C1GALT1: variants seen among roughly 807,000 people sequenced by gnomAD.
The protein encoded by C1GALT1 is core 1 synthase, glycoprotein-N-acetylgalactosamine 3-beta-galactosyltransferase 1, also known as glycoprotein-N-acetylgalactosamine 3-beta-galactosyltransferase 1.
In C1GALT1, 11 loss-of-function variants were observed where a neutral mutation model predicts 31.0. That is an observed-to-expected ratio of 0.36 (90% CI 0.22 to 0.59). The LOEUF (loss-of-function observed/expected upper bound fraction) is 0.59. Among genes scored for constraint, C1GALT1 ranks in the 20% least tolerant of loss-of-function variants. C1GALT1 has a pLI of 0.79. For missense variants in C1GALT1, 424 were observed against 425.2 expected, an observed-to-expected ratio of 1.00 and a Z score of 0.03; for synonymous variants, 175 against 143.6, an observed-to-expected ratio of 1.22 and a Z score of -1.56.
At chr7:7,189,142 A>G (rs1780947126) in intron 1 of C1GALT1, among the ~76,000 whole-genome samples, 1 of 152,136 alleles carries the variant, frequency 6.6e-6, no homozygotes, top group Admixed American at 6.5e-5. Flanking sequence ...CATGTAGATC[A>G]TTGTTTTTAA....
chr7:7,243,660 GTATACT>G lies in C1GALT1; in HGVS notation c.1026_1031del (p.Ile343_Leu344del). The G allele has an allele frequency of 1.2e-6, 2 of 1,608,124 alleles. No individual in the cohort carries two copies. The highest frequency in any genetic ancestry group is 1.7e-6 in the Non-Finnish European group (2 of 1,178,308). On this transcript the variant is annotated inframe_deletion, in exon 4 of 4. Transcript: ENST00000436587. ...AGATATCAACCTACCTTACCTGAAC[GTATACT>G]AAAGGAAATTAGTCAAGCAAACAAA...
intron 1 of C1GALT1, among the ~76,000 whole-genome samples, chr7:7,188,484 C>T (rs71533354): frequency 0.059 from 8,981 of 152,114 alleles, 326 homozygotes; most frequent in East Asian, 0.16. Context: ...TAATTTTTAT[C>T]ATATTATTTC....
chr7:7,161,362 A>G lies in C1GALT1; in HGVS notation c.-18+3936A>G, dbSNP rs1008529710. On this transcript the variant is annotated intron_variant, in intron 2 of 3. Coordinates refer to the C1GALT1 transcript ENST00000429911. Reference sequence around the variant, plus strand: ...AATTGCCCCTTGGATGAAAATCACTAACATTTTAGTATAAACATATTTACA... The same window carrying G: ...AATTGCCCCTTGGATGAAAATCACTGACATTTTAGTATAAACATATTTACA... Among the ~76,000 whole-genome samples the G allele has an allele frequency of 5.3e-5, 8 of 152,290 alleles. No homozygotes were observed. The East Asian group carries it at 1.5e-3, about 29-fold the overall frequency.
chr7:7,165,424 C>T (rs1780382828), intron 2 of C1GALT1, among the ~76,000 whole-genome samples: 1 of 151,840 alleles, frequency 6.6e-6, no homozygotes, highest in Non-Finnish European at 1.5e-5. Context: ...TTCAGTTACG[C>T]TAAGGGAATA....
chr7:7,234,769 G>A, intron 2 of C1GALT1: 1 of 394,668 alleles, frequency 2.5e-6, no homozygotes, highest in South Asian at 3.9e-5. Context: ...CATGATTTGG[G>A]GAAGGGCATA....
intron 2 of C1GALT1, among the ~76,000 whole-genome samples, chr7:7,170,260 A>G (rs1011961224): frequency 6.6e-6 from 1 of 151,904 alleles, no homozygotes; most frequent in Middle Eastern, 3.4e-3. Context: ...GATTCTCTCT[A>G]TTGTTTATTC....
intron 1 of C1GALT1, among the ~76,000 whole-genome samples, chr7:7,212,153 T>G (rs1782033667): frequency 2.6e-5 from 4 of 152,172 alleles, no homozygotes; most frequent in Admixed American, 2.6e-4. Context: ...GTTTCTATCC[T>G]CAAATACCTG....
intron 1 of C1GALT1, among the ~76,000 whole-genome samples, chr7:7,199,481 G>T (rs911109812): frequency 1.3e-5 from 2 of 152,224 alleles, no homozygotes; most frequent in Admixed American, 6.5e-5. Context: ...TTTGGAATAA[G>T]TGTGATGTGG....
chr7:7,163,220 C>T (rs191513197), intron 2 of C1GALT1, among the ~76,000 whole-genome samples: 1 of 152,186 alleles, frequency 6.6e-6, no homozygotes, highest in East Asian at 1.9e-4. Flanking sequence ...TAATGCCTAG[C>T]TTTTCTTCTA....
At chr7:7,166,962 A>G (rs1038916947) in intron 2 of C1GALT1, among the ~76,000 whole-genome samples, 2 of 152,200 alleles carry the variant, frequency 1.3e-5, no homozygotes, top group Non-Finnish European at 2.9e-5. Context: ...TACTTCAAAG[A>G]CCAAGATCTT....
chr7:7,170,410 T>C lies in C1GALT1; in HGVS notation c.-18+12984T>C, dbSNP rs555053957. On this transcript the variant is annotated intron_variant, in intron 2 of 3. Transcript: ENST00000429911. ...TTGTCTTTTTTAATGTAGGAATTTA[T>C]AGTTATAAGTTTGCCTCTGAGCACT... Among the ~76,000 whole-genome samples the C allele has an allele frequency of 2.6e-5, 4 of 152,342 alleles. No individual in the cohort carries two copies. The South Asian group carries it at 8.3e-4, about 32-fold the overall frequency.
At chr7:7,187,618 A>G (rs4380837) in intron 1 of C1GALT1, among the ~76,000 whole-genome samples, 41,126 of 152,082 alleles carry the variant, frequency 0.27, 6,043 homozygotes, top group East Asian at 0.42. Context: ...AATATCCTAC[A>G]GAGGACCGGA....
intron 1 of C1GALT1, among the ~76,000 whole-genome samples, chr7:7,197,435 G>A (rs1038472657): frequency 6.6e-6 from 1 of 152,126 alleles, no homozygotes; most frequent in African/African-American, 2.4e-5. Flanking sequence ...TGCTGTTTTG[G>A]TTACTGTAGC....
chr7:7,163,479 G>C (rs1419488787), intron 2 of C1GALT1, among the ~76,000 whole-genome samples: 3 of 152,158 alleles, frequency 2.0e-5, no homozygotes, highest in Non-Finnish European at 4.4e-5. Context: ...AATTAGGCAG[G>C]AGAAGGAAAT....
chr7:7,238,558 T>C lies in C1GALT1; in HGVS notation c.524T>C (p.Ile175Thr). 1 of 1,614,142 alleles carries C rather than the reference T, an allele frequency of 6.2e-7. No individual in the cohort carries two copies. Among genetic ancestry groups the C allele is most frequent in the Non-Finnish European group, 8.5e-7 (1 of 1,179,996 alleles). ...AAAGCAGATGATGACACGTATGTCA[T>C]ACTAGACAATTTGAGGTGGCTTCTT... ...FLKADDDTYVILDNLRWLLSK... is the reference protein window; with the variant it reads ...FLKADDDTYVTLDNLRWLLSK... Residue 175 changes from isoleucine to threonine, a missense_variant, in exon 3 of 4, where the codon ATA becomes ACA. This residue lies in a region of C1GALT1 where 44 missense variants were observed against 78.3 expected (regional missense o/e 0.56). Coordinates refer to ENST00000436587, the MANE Select transcript of C1GALT1 (RefSeq NM_020156.5). This position sits in a 1 kb window ranked among gnomAD's most constrained non-coding sequence, Gnocchi z 5.2.
chr7:7,247,691 T>C lies in C1GALT1; in HGVS notation c.*3964T>C, dbSNP rs2128256312. On this transcript the variant is annotated 3_prime_UTR_variant, in exon 4 of 4. Coordinates refer to ENST00000436587, the MANE Select transcript of C1GALT1 (RefSeq NM_020156.5). ...TTTCAATTTTCAGTTCATTAGACTA[T>C]AATTCTTTGACAGTTTCTGCCTGGT... 6.6e-6 allele frequency: 1 copy of C among 152,226 alleles called. No homozygotes were observed. The highest frequency in any genetic ancestry group is 2.1e-4 in the South Asian group (1 of 4,830). 9.4% of individuals were successfully genotyped at this position (152,226 alleles called of 1,614,324 possible).
At chr7:7,190,687 C>T (rs186712829) in intron 1 of C1GALT1, among the ~76,000 whole-genome samples, 264 of 152,068 alleles carry the variant, frequency 1.7e-3, no homozygotes, top group Non-Finnish European at 1.4e-3. Flanking sequence ...ACCTATTTTT[C>T]CAGATAACAT....
upstream of C1GALT1, among the ~76,000 whole-genome samples, chr7:7,178,539 A>G (rs1460138796): frequency 6.6e-6 from 1 of 152,212 alleles, no homozygotes; most frequent in African/African-American, 2.4e-5. Context: ...GCAGAATTCA[A>G]GTTTCAAGGA....
intron 2 of C1GALT1, among the ~76,000 whole-genome samples, chr7:7,162,833 T>C (rs1188975074): frequency 1.3e-5 from 2 of 152,200 alleles, no homozygotes; most frequent in Non-Finnish European, 2.9e-5. Flanking sequence ...TGGTATCTCA[T>C]TGTGGTTTTG....
Sources: allele counts gnomAD v4.1 joint callset (sites outside exome capture counted in the v4.1 genomes callset), GRCh38; gene constraint gnomAD v4.1.1; regional missense constraint gnomAD v4.1.1; non-coding constraint Gnocchi (gnomAD v3.1); transcripts MANE v1.5; gene names NCBI Gene and HGNC (gene_info 2026-07-23, HGNC 2026-07-21).